Variants in SUGCT observed in about 807,000 individuals in gnomAD.
The protein encoded by SUGCT is succinyl-CoA:glutarate-CoA transferase.
A neutral mutation model predicts 55.0 loss-of-function variants in SUGCT; 41 were observed. The ratio of observed to expected loss-of-function variants is 0.74; its 90% CI spans 0.58 to 0.97. The LOEUF (loss-of-function observed/expected upper bound fraction) is 0.97. SUGCT is among the 50% of genes least tolerant of loss of function. The pLI, the probability that SUGCT is intolerant of heterozygous loss-of-function variation, is 0.00. For synonymous variants in SUGCT, 187 were observed against 200.4 expected (o/e 0.93, Z 0.56); for missense variants, 568 against 547.8 (o/e 1.04, Z -0.37).
chr7:40,537,763 G>C (rs1794447247), intron 12 of SUGCT, among the ~76,000 whole-genome samples: 1 of 152,302 alleles, frequency 6.6e-6, no homozygotes, highest in Non-Finnish European at 1.5e-5. Context: ...GAAACTATCT[G>C]ATCATGAAAA....
Position 40,606,093 on chromosome 7 carries a change from G to A in SUGCT, c.1089+109707G>A, listed in dbSNP as rs535159118. Among the ~76,000 whole-genome samples, 7 of 152,296 alleles carry A rather than the reference G, an allele frequency of 4.6e-5. No homozygotes were observed. The South Asian group carries it at 1.5e-3, about 32-fold the overall frequency. ...AACATCTCTCAGGAAGGTAGTGGAT[G>A]GATAGAGGGTAGAGGAATGTCAAAA... On this transcript the variant is annotated intron_variant, in intron 12 of 13. Transcript: ENST00000335693.
At chr7:40,499,763 G>A (rs1792180200) in intron 12 of SUGCT, among the ~76,000 whole-genome samples, 1 of 152,084 alleles carries the variant, frequency 6.6e-6, no homozygotes, top group Non-Finnish European at 1.5e-5. Context: ...GATTTTAATA[G>A]CCAGTCATTT....
intron 9 of SUGCT, among the ~76,000 whole-genome samples, chr7:40,337,816 A>G (rs1331556040): frequency 1.3e-5 from 2 of 151,516 alleles, no homozygotes; most frequent in South Asian, 2.1e-4. Flanking sequence ...TATTTTGCTC[A>G]TTAGTTGATG....
At position 40,631,644 on chromosome 7, in the gene SUGCT, G is replaced by A. The variant is rs1859706; in HGVS notation, c.1090-117790G>A. Among the ~76,000 whole-genome samples the A allele has an allele frequency of 5.0e-3, 766 of 152,240 alleles. 9 individuals carry two copies. The highest frequency in any genetic ancestry group is 0.031 in the East Asian group (158 of 5,164). On this transcript the variant is annotated intron_variant, in intron 12 of 13. Transcript: ENST00000335693. ...GGTAATGCCACAGACTGCTTAGATC[G>A]GATTCTGCCTGCAGATGTCCATGTC...
At position 40,324,033 on chromosome 7, in the gene SUGCT, T is replaced by C. The variant is rs149255172; in HGVS notation, c.816+7178T>C. On this transcript the variant is annotated intron_variant, in intron 9 of 13. Coordinates refer to ENST00000335693, the MANE Select transcript of SUGCT (RefSeq NM_001193313.2). ...CTTATTCCACTTAAAATTAATGCAATCAAAAGAGAACTACCTTATCTTTTC... is the reference window on the plus strand; with the variant it reads ...CTTATTCCACTTAAAATTAATGCAACCAAAAGAGAACTACCTTATCTTTTC... Among the ~76,000 whole-genome samples the C allele has an allele frequency of 4.4e-3, 665 of 152,050 alleles. 6 individuals are homozygous for C. The highest frequency in any genetic ancestry group is 0.013 in the African/African-American group (533 of 41,476).
chr7:40,872,889 C>A, the SUGCT span, among the ~76,000 whole-genome samples: 1 of 152,172 alleles, frequency 6.6e-6, no homozygotes, highest in African/African-American at 2.4e-5. Context: ...ACACACTCTT[C>A]AGATGTCTGC....
intron 11 of SUGCT, among the ~76,000 whole-genome samples, chr7:40,464,232 G>A (rs1789975978): frequency 6.6e-6 from 1 of 152,170 alleles, no homozygotes. Context: ...CCATTGTCCT[G>A]CAGATACAGA....
chr7:40,977,879 T>C, the SUGCT span, among the ~76,000 whole-genome samples: 1 of 152,156 alleles, frequency 6.6e-6, no homozygotes, highest in Admixed American at 6.5e-5. Flanking sequence ...ATTCTAGTCT[T>C]GGGTCTGGCT....
intron 12 of SUGCT, among the ~76,000 whole-genome samples, chr7:40,548,932 T>C (rs1795154322): frequency 6.6e-6 from 1 of 152,208 alleles, no homozygotes. Context: ...AGTTTTTAAG[T>C]AAACATGCAA....
At chr7:40,307,662 T>C (rs542936267) in intron 8 of SUGCT, among the ~76,000 whole-genome samples, 1 of 152,354 alleles carries the variant, frequency 6.6e-6, no homozygotes, top group South Asian at 2.1e-4. Flanking sequence ...CAGTGTGCAG[T>C]AAGTGTTAGC....
At chr7:40,546,183 C>T (rs762671428) in intron 12 of SUGCT, among the ~76,000 whole-genome samples, 5 of 152,164 alleles carry the variant, frequency 3.3e-5, no homozygotes, top group East Asian at 3.8e-4. Flanking sequence ...AGAATTCACA[C>T]GTATCACACT....
chr7:40,323,754 GCGGATAGACTTA>G (rs1795867858), intron 9 of SUGCT, among the ~76,000 whole-genome samples: 1 of 152,112 alleles, frequency 6.6e-6, no homozygotes, highest in Non-Finnish European at 1.5e-5. Flanking sequence ...AAATCCCAGT[GCGGATAGACTTA>G]ATAGTTCATC....
At chr7:40,809,455 C>G (rs1362961851) in intron 13 of SUGCT, among the ~76,000 whole-genome samples, 2 of 152,010 alleles carry the variant, frequency 1.3e-5, no homozygotes, top group Non-Finnish European at 2.9e-5. Context: ...CACGTACACA[C>G]ACCCAAAAAA....
chr7:40,237,259 C>T (rs188726791), intron 6 of SUGCT, among the ~76,000 whole-genome samples: 81 of 151,962 alleles, frequency 5.3e-4, no homozygotes, highest in Middle Eastern at 3.4e-3. Flanking sequence ...GCCTGGCCAA[C>T]ATGGCGAAAC....
intron 7 of SUGCT, among the ~76,000 whole-genome samples, chr7:40,272,800 C>T (rs563668875): frequency 1.1e-4 from 16 of 151,800 alleles, no homozygotes; most frequent in Admixed American, 4.6e-4. Flanking sequence ...GCCGGGATTA[C>T]ATATATGTGC....
chr7:40,246,251 C>CTTTTTT (rs11387100), intron 7 of SUGCT, among the ~76,000 whole-genome samples: 3 of 147,226 alleles, frequency 2.0e-5, no homozygotes, highest in Non-Finnish European at 3.0e-5. Flanking sequence ...ATAGCATGTT[C>CTTTTTT]TTTTTTTTTT....
chr7:40,348,840 AC>A (rs1450506317), intron 9 of SUGCT, among the ~76,000 whole-genome samples: 2 of 151,918 alleles, frequency 1.3e-5, no homozygotes, highest in Non-Finnish European at 2.9e-5. Flanking sequence ...ATTTCTTTTG[AC>A]TTCTCAGTTA....
chr7:40,955,711 T>C, the SUGCT span, among the ~76,000 whole-genome samples: 1 of 152,190 alleles, frequency 6.6e-6, no homozygotes, highest in Non-Finnish European at 1.5e-5. Context: ...CTTATGGTGG[T>C]TTTCAAAGGG....
intron 8 of SUGCT, among the ~76,000 whole-genome samples, chr7:40,310,795 G>T (rs1795103844): frequency 1.3e-5 from 2 of 151,970 alleles, no homozygotes; most frequent in South Asian, 4.2e-4. Flanking sequence ...ACCCATTCTT[G>T]GCATTTAAAT....
Sources: allele counts gnomAD v4.1 joint callset (sites outside exome capture counted in the v4.1 genomes callset), GRCh38; gene constraint gnomAD v4.1.1; transcripts MANE v1.5; gene names NCBI Gene and HGNC (gene_info 2026-07-23, HGNC 2026-07-21).